Variants in MAP3K7CL observed in about 807,000 individuals in gnomAD.
MAP3K7CL encodes the protein MAP3K7 C-terminal like.
A neutral mutation model predicts 18.6 loss-of-function variants in MAP3K7CL; 16 were observed. The observed-to-expected ratio is 0.86, with a 90% CI of 0.58 to 1.31. The LOEUF is 1.31. MAP3K7CL is among the 50% of genes most tolerant of loss of function. The pLI, the probability that MAP3K7CL is intolerant of heterozygous loss-of-function variation, is 0.00. For synonymous variants in MAP3K7CL, 65 were observed against 66.8 expected, an observed-to-expected ratio of 0.97 and a Z score of 0.13; for missense variants, 163 against 174.4, an observed-to-expected ratio of 0.93 and a Z score of 0.37.
chr21:29,116,052 T>A (rs1236106339), intron 4 of MAP3K7CL, among the ~76,000 whole-genome samples: 2 of 152,258 alleles, frequency 1.3e-5, no homozygotes, highest in Non-Finnish European at 2.9e-5. Context: ...ACTCTAGTGG[T>A]TTCTTCCGTG....
chr21:29,099,152 G>A (rs1308770900), intron 4 of MAP3K7CL, among the ~76,000 whole-genome samples: 1 of 151,724 alleles, frequency 6.6e-6, no homozygotes, highest in Non-Finnish European at 1.5e-5. Flanking sequence ...GTTCAGTGGT[G>A]TAATCATGGC....
chr21:29,135,145 C>G (rs946749590), intron 2 of MAP3K7CL, among the ~76,000 whole-genome samples: 1 of 152,096 alleles, frequency 6.6e-6, no homozygotes, highest in African/African-American at 2.4e-5. Context: ...AGAGACCACA[C>G]TGTTTGTAGG....
chr21:29,128,288 TA>T (rs1601203737), upstream of MAP3K7CL: 1 of 151,368 alleles, frequency 6.6e-6, no homozygotes, highest in Admixed American at 6.7e-5. Flanking sequence ...AGACTTATTC[TA>T]AAAAATTTCA....
chr21:29,151,815 A>AT (rs1313442928), intron 3 of MAP3K7CL, among the ~76,000 whole-genome samples: 2 of 152,148 alleles, frequency 1.3e-5, no homozygotes, highest in Non-Finnish European at 2.9e-5. Flanking sequence ...TATCCAGATA[A>AT]TTTTTCTGTT....
chr21:29,097,279 T>C (rs1255334642), intron 4 of MAP3K7CL, among the ~76,000 whole-genome samples: 2 of 152,002 alleles, frequency 1.3e-5, no homozygotes, highest in Non-Finnish European at 2.9e-5. Context: ...GCAGCATAGA[T>C]GGTAAGTTTA....
At chr21:29,114,530 A>G (rs936949771) in intron 4 of MAP3K7CL, among the ~76,000 whole-genome samples, 1 of 151,886 alleles carries the variant, frequency 6.6e-6, no homozygotes, top group African/African-American at 2.4e-5. Context: ...AGCTGAGTCT[A>G]CAGGTGTGAG....
intron 1 of MAP3K7CL, among the ~76,000 whole-genome samples, chr21:29,087,004 A>G (rs1354390079): frequency 6.6e-6 from 1 of 152,200 alleles, no homozygotes; most frequent in Non-Finnish European, 1.5e-5. Context: ...TCCTCTAAGG[A>G]GTGGCATGAT....
upstream of MAP3K7CL, among the ~76,000 whole-genome samples, chr21:29,083,925 C>T (rs760349468): frequency 6.8e-6 from 1 of 147,284 alleles, no homozygotes; most frequent in East Asian, 1.9e-4. Flanking sequence ...CTCTGTTTTA[C>T]TAATTCTGAA....
chr21:29,080,206 G>C (rs2085812956), intron 1 of MAP3K7CL, among the ~76,000 whole-genome samples: 1 of 152,196 alleles, frequency 6.6e-6, no homozygotes, highest in Non-Finnish European at 1.5e-5. Flanking sequence ...TGATCAGTGT[G>C]CTAGACTGGC....
chr21:29,083,181 G>C (rs953291204), upstream of MAP3K7CL, among the ~76,000 whole-genome samples: 1 of 152,110 alleles, frequency 6.6e-6, no homozygotes, highest in African/African-American at 2.4e-5. Flanking sequence ...CTATTACACA[G>C]AAATCTGCCC....
chr21:29,136,202 A>G (rs972291658), intron 2 of MAP3K7CL, among the ~76,000 whole-genome samples: 3 of 152,244 alleles, frequency 2.0e-5, no homozygotes, highest in Non-Finnish European at 4.4e-5. Flanking sequence ...TGAGTGCACA[A>G]AAAGATGCTT....
chr21:29,165,360 T>G (rs938649046), intron 4 of MAP3K7CL, among the ~76,000 whole-genome samples: 2 of 152,166 alleles, frequency 1.3e-5, no homozygotes, highest in Non-Finnish European at 2.9e-5. Context: ...AATATGTTTT[T>G]GGGGCACAGG....
chr21:29,119,235 CG>C (rs2086553509), intron 4 of MAP3K7CL, among the ~76,000 whole-genome samples: 1 of 152,204 alleles, frequency 6.6e-6, no homozygotes, highest in Non-Finnish European at 1.5e-5. Context: ...AAATAGTCAA[CG>C]ATGGTTATTT....
intron 4 of MAP3K7CL, among the ~76,000 whole-genome samples, chr21:29,112,392 A>C (rs1012859604): frequency 6.6e-6 from 1 of 152,194 alleles, no homozygotes; most frequent in Non-Finnish European, 1.5e-5. Context: ...TCCTTACAGC[A>C]GCAAATTTTT....
exon 2 of MAP3K7CL, chr21:29,091,557 C>T (rs1165004130): frequency 1.4e-6 from 1 of 701,610 alleles, no homozygotes; most frequent in Non-Finnish European, 2.6e-6. Context: ...CTCACTACAG[C>T]CCTGACCTCC....
intron 3 of MAP3K7CL, among the ~76,000 whole-genome samples, chr21:29,151,853 T>G (rs2087283485): frequency 6.6e-6 from 1 of 152,248 alleles, no homozygotes. Context: ...ATTTGAATTT[T>G]ATAGCTTTAA....
intron 1 of MAP3K7CL, among the ~76,000 whole-genome samples, chr21:29,088,866 A>C (rs2085970937): frequency 6.6e-6 from 1 of 152,118 alleles, no homozygotes; most frequent in Non-Finnish European, 1.5e-5. Flanking sequence ...CTTGTTTTGC[A>C]CTAAAGAGTG....
chr21:29,149,335 G>C (rs1186435955), intron 3 of MAP3K7CL, 85 bp downstream of exon 3: 9 of 1,196,054 alleles, frequency 7.5e-6, no homozygotes, highest in Non-Finnish European at 8.7e-6. Context: ...CTGACTAGGG[G>C]AGACTGACTT....
At chr21:29,085,777 C>T (rs2085914908), upstream of MAP3K7CL, 3 of 1,397,802 alleles carry the variant, frequency 2.1e-6, no homozygotes, top group Admixed American at 5.1e-5. Flanking sequence ...GTTGCGATGG[C>T]TTTGATGCAG....
Sources: gnomAD v4.1 joint callset for allele counts (sites outside exome capture counted in the v4.1 genomes callset) on GRCh38, gnomAD v4.1.1 for gene constraint, MANE v1.5 for transcripts, NCBI Gene and HGNC (gene_info 2026-07-23, HGNC 2026-07-21) for gene names.